The following ANKS1B variants were observed in gnomAD, a reference collection of about 807,000 sequenced individuals.
ANKS1B encodes ankyrin repeat and sterile alpha motif domain-containing protein 1B.
A neutral mutation model predicts 148.3 loss-of-function variants in ANKS1B; 36 were observed. That is an observed-to-expected ratio of 0.24 (90% CI 0.19 to 0.32). The LOEUF (loss-of-function observed/expected upper bound fraction) is 0.32, where lower values mean the gene tolerates loss of function less well. Ranked by LOEUF, ANKS1B falls within the 10% of genes least tolerant of loss-of-function variation. The pLI is 1.00. For missense variants in ANKS1B, 1,157 were observed against 1,542.6 expected (o/e 0.75, Z 4.19); for synonymous variants, 542 against 560.8 (o/e 0.97, Z 0.47).
intron 24 of ANKS1B, among the ~76,000 whole-genome samples, chr12:98,778,724 T>C (rs2098704724): frequency 6.6e-6 from 1 of 152,204 alleles, no homozygotes; most frequent in Non-Finnish European, 1.5e-5. Context: ...AAGCCAGTCC[T>C]CCCACCCTGG....
intron 11 of ANKS1B, among the ~76,000 whole-genome samples, chr12:99,434,605 C>G (rs1008381398): frequency 6.6e-6 from 1 of 152,084 alleles, no homozygotes; most frequent in African/African-American, 2.4e-5. Context: ...CTTAGCCACT[C>G]ATGTGATTTG....
chr12:99,755,771 T>C (rs1036712576), intron 8 of ANKS1B, among the ~76,000 whole-genome samples: 3 of 151,970 alleles, frequency 2.0e-5, no homozygotes, highest in African/African-American at 7.2e-5. Flanking sequence ...ATTATCACAA[T>C]AGATGCAGAA....
intron 9 of ANKS1B, among the ~76,000 whole-genome samples, chr12:99,536,188 G>A (rs946042910): frequency 2.6e-5 from 4 of 152,150 alleles, no homozygotes; most frequent in Non-Finnish European, 5.9e-5. Context: ...CCCATAGAAT[G>A]TACATCAAGA....
chr12:99,143,386 G>A (rs2071691455), intron 15 of ANKS1B, among the ~76,000 whole-genome samples: 1 of 152,074 alleles, frequency 6.6e-6, no homozygotes, highest in African/African-American at 2.4e-5. Flanking sequence ...TCAAATGAAT[G>A]GATAGTTCTC....
chr12:99,152,706 G>A lies in ANKS1B; in HGVS notation c.2526+1583C>T, dbSNP rs531136626. Among the ~76,000 whole-genome samples the A allele has an allele frequency of 2.6e-5, 4 of 152,232 alleles. No individual in the cohort carries two copies. The South Asian group carries it at 8.3e-4, about 32-fold the overall frequency. On this transcript the variant is annotated intron_variant, in intron 15 of 26. Coordinates refer to ENST00000683438, the MANE Select transcript of ANKS1B (RefSeq NM_001352186.2). ...AAAGACCTAACTTCTCATGGGACCA[G>A]AATAAATTTGGACAAGGGTTTCAGG...
chr12:99,715,871 G>A (rs1001958384), intron 8 of ANKS1B, among the ~76,000 whole-genome samples: 1 of 152,024 alleles, frequency 6.6e-6, no homozygotes, highest in African/African-American at 2.4e-5. Flanking sequence ...TTCATTTTCT[G>A]GTAGAAACAA....
intron 8 of ANKS1B, among the ~76,000 whole-genome samples, chr12:99,672,962 T>C (rs1224168070): frequency 6.6e-6 from 1 of 152,142 alleles, no homozygotes; most frequent in Non-Finnish European, 1.5e-5. Context: ...CTATTTTGTC[T>C]CTAAAAGCCA....
intron 22 of ANKS1B, among the ~76,000 whole-genome samples, 188 bp from the exon 23 acceptor site, chr12:98,782,325 C>T (rs958988515): frequency 6.6e-6 from 1 of 152,202 alleles, no homozygotes; most frequent in South Asian, 2.1e-4. Flanking sequence ...AGAAATGCTG[C>T]AGGCTTTCAC....
chr12:99,012,930 T>G (rs1194051135), intron 17 of ANKS1B, among the ~76,000 whole-genome samples: 1 of 152,170 alleles, frequency 6.6e-6, no homozygotes, highest in Non-Finnish European at 1.5e-5. Flanking sequence ...TCCCAAGCAG[T>G]TTAACTTAAT....
intron 9 of ANKS1B, among the ~76,000 whole-genome samples, chr12:99,586,402 T>C (rs549201500): frequency 6.6e-6 from 1 of 152,334 alleles, no homozygotes; most frequent in South Asian, 2.1e-4. Flanking sequence ...CATATCATTA[T>C]CAGCATTTTG....
At chr12:99,129,159 T>A (rs936768540) in intron 15 of ANKS1B, among the ~76,000 whole-genome samples, 12 of 152,142 alleles carry the variant, frequency 7.9e-5, no homozygotes, top group Admixed American at 2.0e-4. Flanking sequence ...AAGTAGATAG[T>A]TCCAACTGGT....
intron 25 of ANKS1B, among the ~76,000 whole-genome samples, chr12:98,770,741 C>G (rs1268063762): frequency 6.6e-6 from 1 of 152,138 alleles, no homozygotes; most frequent in Non-Finnish European, 1.5e-5. Context: ...ACTCACGGAC[C>G]TTAAGCTGGT....
intron 14 of ANKS1B, among the ~76,000 whole-genome samples, chr12:99,159,555 A>AT (rs1352554979): frequency 7.9e-5 from 12 of 151,862 alleles, no homozygotes; most frequent in Admixed American, 2.0e-4. Context: ...AAAGGATATA[A>AT]TTTTTTTTCT....
intron 16 of ANKS1B, among the ~76,000 whole-genome samples, chr12:99,069,145 T>C (rs1195345433): frequency 6.6e-6 from 1 of 152,174 alleles, no homozygotes; most frequent in Non-Finnish European, 1.5e-5. Flanking sequence ...TGAATGTCTG[T>C]GCATGGCCGT....
intron 9 of ANKS1B, among the ~76,000 whole-genome samples, chr12:99,539,106 T>C (rs372341442): frequency 3.5e-4 from 54 of 152,132 alleles, no homozygotes; most frequent in East Asian, 2.3e-3. Flanking sequence ...TGATGAATGA[T>C]AGAAATACTA....
intron 9 of ANKS1B, among the ~76,000 whole-genome samples, chr12:99,543,730 C>T (rs997274865): frequency 6.6e-6 from 1 of 151,796 alleles, no homozygotes; most frequent in Non-Finnish European, 1.5e-5. Flanking sequence ...AAACATTATG[C>T]TAAGTGAGAA....
chr12:99,820,537 T>A (rs1455131085), intron 2 of ANKS1B, among the ~76,000 whole-genome samples: 1 of 151,862 alleles, frequency 6.6e-6, no homozygotes, highest in Non-Finnish European at 1.5e-5. Flanking sequence ...GCGACAAACA[T>A]GGAAATGATG....
chr12:99,739,349 G>GC (rs1344589717), intron 8 of ANKS1B, among the ~76,000 whole-genome samples: 1 of 123,228 alleles, frequency 8.1e-6, no homozygotes, highest in African/African-American at 3.1e-5. Context: ...TTTTGGGGGG[G>GC]GCGGGGCCAA....
intron 17 of ANKS1B, among the ~76,000 whole-genome samples, chr12:98,990,216 G>A (rs773160657): frequency 1.3e-5 from 2 of 152,054 alleles, no homozygotes; most frequent in Non-Finnish European, 2.9e-5. Flanking sequence ...TTTTGGTGCA[G>A]AGATCTTTTA....
Sources: gnomAD v4.1 joint callset for allele counts (sites outside exome capture counted in the v4.1 genomes callset) on GRCh38, gnomAD v4.1.1 for gene constraint, MANE v1.5 for transcripts, NCBI Gene and HGNC (gene_info 2026-07-23, HGNC 2026-07-21) for gene names.